The following TMEM273 variants were observed in gnomAD, a reference collection of about 807,000 sequenced individuals.
TMEM273 encodes the protein transmembrane protein 273, also known as chromosome 10 open reading frame 128.
A neutral mutation model predicts 17.9 loss-of-function variants in TMEM273; 19 were observed. The ratio of observed to expected loss-of-function variants is 1.06; its 90% CI spans 0.74 to 1.55. TMEM273 has a LOEUF of 1.55. Ranked by LOEUF, TMEM273 falls within the 40% of genes most tolerant of loss-of-function variation. The probability of loss-of-function intolerance (pLI) is 0.00; values close to 1 mark genes in which losing one functional copy is unlikely to be tolerated. For synonymous variants in TMEM273, 66 were observed against 62.0 expected (o/e 1.07, Z -0.31); for missense variants, 194 against 155.6 (o/e 1.25, Z -1.31).
At chr10:49,176,909 C>T (rs918532219) in intron 1 of TMEM273, among the ~76,000 whole-genome samples, 4 of 152,220 alleles carry the variant, frequency 2.6e-5, no homozygotes, top group African/African-American at 9.6e-5. Flanking sequence ...TACAGCATGC[C>T]ACATGTCTAA....
chr10:49,163,900 G>A (rs1237397370), intron 5 of TMEM273, among the ~76,000 whole-genome samples: 2 of 152,106 alleles, frequency 1.3e-5, no homozygotes, highest in African/African-American at 4.8e-5. Flanking sequence ...CTCCATGAGG[G>A]CTGATGAGTC....
intron 3 of TMEM273, chr10:49,166,623 G>A: frequency 1.9e-6 from 1 of 530,722 alleles, no homozygotes; most frequent in South Asian, 2.1e-5. Context: ...GAAAGACAGA[G>A]ACATGGAAAG....
chr10:49,182,966 A>T (rs556907929), intron 1 of TMEM273, among the ~76,000 whole-genome samples: 1 of 152,258 alleles, frequency 6.6e-6, no homozygotes, highest in East Asian at 1.9e-4. Flanking sequence ...CCCCAAGATG[A>T]GGAATGTTCT....
intron 5 of TMEM273, 66 bp downstream of exon 5, chr10:49,165,139 T>G: frequency 6.7e-7 from 1 of 1,487,958 alleles, no homozygotes; most frequent in South Asian, 1.4e-5. Flanking sequence ...GTGCAAAGAA[T>G]TATAAAGAAA....
At chr10:49,167,181 C>T (rs1846249431) in intron 2 of TMEM273, among the ~76,000 whole-genome samples, 172 bp from the exon 3 acceptor site, 1 of 152,206 alleles carries the variant, frequency 6.6e-6, no homozygotes, top group South Asian at 2.1e-4. Flanking sequence ...CCTCTGCCTG[C>T]ACCCCATCCC....
rs753255914 is a variant in TMEM273, at chr10:49,161,542, A to G, written c.372+57T>C. 5.6e-6 allele frequency: 9 copies of G among 1,611,870 alleles called. No individual in the cohort carries two copies. In the South Asian group the frequency reaches 8.8e-5, roughly 16 times the overall value. ...TCATGCCGAAAACCCATGCAGCCCC[A>G]TGGGGCAGAGACTGCCTGTCCTCCT... On this transcript the variant is annotated intron_variant, in intron 6 of 6. Transcript: ENST00000374153.
chr10:49,180,311 G>C (rs956987433), intron 1 of TMEM273, among the ~76,000 whole-genome samples: 6 of 152,138 alleles, frequency 3.9e-5, no homozygotes, highest in African/African-American at 1.4e-4. Context: ...ACCCAAGCCC[G>C]AGGCTGACGT....
chr10:49,156,892 A>T (rs1845545304), intron 6 of TMEM273, among the ~76,000 whole-genome samples: 1 of 152,206 alleles, frequency 6.6e-6, no homozygotes, highest in Non-Finnish European at 1.5e-5. Flanking sequence ...TGGTGAGAGG[A>T]AGTGGTGAGA....
At chr10:49,176,779 A>T (rs1206483620) in intron 1 of TMEM273, among the ~76,000 whole-genome samples, 1 of 151,880 alleles carries the variant, frequency 6.6e-6, no homozygotes, top group African/African-American at 2.4e-5. Context: ...CCCTTACTAA[A>T]CCCATCAGCC....
chr10:49,161,247 AT>A (rs1444742618), intron 6 of TMEM273: 6 of 291,778 alleles, frequency 2.1e-5, no homozygotes, highest in Non-Finnish European at 3.2e-5. Flanking sequence ...ATGTTTGGGA[AT>A]TTTTTTCATC....
At chr10:49,162,573 T>C (rs75484657) in intron 5 of TMEM273, among the ~76,000 whole-genome samples, 11,154 of 152,268 alleles carry the variant, frequency 0.073, 599 homozygotes, top group South Asian at 0.14. Flanking sequence ...GGGGGAGCTC[T>C]AGTACTTTAG....
chr10:49,161,664 G>A, intron 5 of TMEM273, 42 bp from the exon 6 acceptor site: 1 of 1,613,874 alleles, frequency 6.2e-7, no homozygotes, highest in Non-Finnish European at 8.5e-7. Context: ...CTAAGCCTTA[G>A]AAGCCAGAAA....
At chr10:49,175,198 C>T (rs1014561077) in intron 1 of TMEM273, among the ~76,000 whole-genome samples, 1 of 152,048 alleles carries the variant, frequency 6.6e-6, no homozygotes, top group African/African-American at 2.4e-5. Flanking sequence ...TGAGCAGGGT[C>T]AGAGCAGCTG....
chr10:49,155,855 G>A lies in TMEM273; in HGVS notation c.*37C>T, dbSNP rs201099327. 5.0e-6 allele frequency: 8 copies of A among 1,614,106 alleles called. No individual in the cohort carries two copies. Among genetic ancestry groups the A allele is most frequent in the Non-Finnish European group, 6.8e-6 (8 of 1,180,026 alleles). Reference sequence around the variant, plus strand: ...TTAACCATGGGCTGTTTTCCACGGGGCTAGAACCCCTCTTCACGTCACTGC... The same window carrying A: ...TTAACCATGGGCTGTTTTCCACGGGACTAGAACCCCTCTTCACGTCACTGC... On this transcript the variant is annotated 3_prime_UTR_variant, in exon 7 of 7. Transcript: ENST00000374153.
At chr10:49,167,032 A>G in intron 2 of TMEM273, 23 bp from the exon 3 acceptor site, 1 of 1,612,096 alleles carries the variant, frequency 6.2e-7, no homozygotes, top group Non-Finnish European at 8.5e-7. Context: ...GAGGAATTGA[A>G]CACCCGGTTT....
rs768925960 is a variant in TMEM273, at chr10:49,188,352, TTGGCTCC to T, written c.-23_-17del. ...CCAAGTTCATGCTGGCGCTCTGCTC[TTGGCTCC>T]TGGCTCCTGGCTGCTGGCAGCGCAG... is the stretch of plus-strand genomic sequence containing the variant. On this transcript the variant is annotated 5_prime_UTR_variant, in exon 1 of 7. Transcript: ENST00000374153. 2.2e-5 allele frequency: 35 copies of T among 1,614,010 alleles called. No homozygotes were observed. The highest frequency in any genetic ancestry group is 4.0e-5 in the African/African-American group (3 of 74,928).
intron 1 of TMEM273, among the ~76,000 whole-genome samples, chr10:49,186,013 AG>A (rs1193011494): frequency 6.7e-6 from 1 of 149,814 alleles, no homozygotes; most frequent in African/African-American, 2.5e-5. Flanking sequence ...GAGGAGGAGG[AG>A]GAGGAAGAAG....
At chr10:49,185,148 A>G (rs546103159) in intron 1 of TMEM273, among the ~76,000 whole-genome samples, 1 of 152,200 alleles carries the variant, frequency 6.6e-6, no homozygotes, top group Non-Finnish European at 1.5e-5. Flanking sequence ...TGATTTAGCT[A>G]CCTACCTTTA....
At chr10:49,164,854 G>A (rs1231984754) in intron 5 of TMEM273, among the ~76,000 whole-genome samples, 1 of 151,842 alleles carries the variant, frequency 6.6e-6, no homozygotes, top group East Asian at 1.9e-4. Context: ...CACCCCCACT[G>A]TGCAGCCACC....
Sources: allele counts gnomAD v4.1 joint callset (sites outside exome capture counted in the v4.1 genomes callset), GRCh38; gene constraint gnomAD v4.1.1; transcripts MANE v1.5; gene names NCBI Gene and HGNC (gene_info 2026-07-23, HGNC 2026-07-21).